Variants in SMARCC1 observed in about 807,000 individuals in gnomAD.
SMARCC1 encodes SWI/SNF related BAF chromatin remodeling complex subunit C1, also known as SWI/SNF complex subunit SMARCC1.
Under a neutral mutation model 147.4 loss-of-function variants are expected in SMARCC1, and 43 were observed. That is an observed-to-expected ratio of 0.29 (90% CI 0.23 to 0.38). The LOEUF (loss-of-function observed/expected upper bound fraction) is 0.38, where lower values mean the gene tolerates loss of function less well. SMARCC1 is among the 10% of genes least tolerant of loss of function. SMARCC1 has a pLI of 1.00. For synonymous variants in SMARCC1, 495 were observed against 484.4 expected, an observed-to-expected ratio of 1.02 and a Z score of -0.29; for missense variants, 1,119 against 1,381.1, an observed-to-expected ratio of 0.81 and a Z score of 3.01.
chr3:47,610,498 G>GATGTC, intron 25 of SMARCC1, 171 bp from the exon 26 acceptor site: 2 of 673,580 alleles, frequency 3.0e-6, no homozygotes, highest in South Asian at 3.6e-5. Context: ...TTCTTGAGTA[G>GATGTC]CATATTTCCA....
intron 2 of SMARCC1, among the ~76,000 whole-genome samples, chr3:47,750,301 G>A (rs2034615066): frequency 6.6e-6 from 1 of 152,084 alleles, no homozygotes; most frequent in Admixed American, 6.6e-5. Context: ...TGGGTGTGGT[G>A]GTGCACGCCT....
intron 5 of SMARCC1, among the ~76,000 whole-genome samples, chr3:47,735,738 C>T (rs781685769): frequency 6.6e-6 from 1 of 151,944 alleles, no homozygotes; most frequent in South Asian, 2.1e-4. Flanking sequence ...TGGGCGACAG[C>T]GCGAGACTCT....
chr3:47,692,594 G>A (rs1255037512), intron 12 of SMARCC1, among the ~76,000 whole-genome samples: 2 of 152,114 alleles, frequency 1.3e-5, no homozygotes, highest in Non-Finnish European at 2.9e-5. Context: ...CTCCAAGAGG[G>A]GGAGATCACT....
chr3:47,741,125 G>T (rs2034504697), intron 3 of SMARCC1, among the ~76,000 whole-genome samples: 1 of 151,920 alleles, frequency 6.6e-6, no homozygotes, highest in Non-Finnish European at 1.5e-5. Flanking sequence ...ATGATAAACT[G>T]GAGGCATATA....
intron 2 of SMARCC1, among the ~76,000 whole-genome samples, chr3:47,772,493 A>G (rs1022863662): frequency 6.6e-6 from 1 of 152,180 alleles, no homozygotes; most frequent in Non-Finnish European, 1.5e-5. Flanking sequence ...AATTCCATAA[A>G]TTCTATTTAT....
chr3:47,626,471 A>AAAAAAAAG (rs1553675917), intron 24 of SMARCC1, among the ~76,000 whole-genome samples: 1 of 150,078 alleles, frequency 6.7e-6, no homozygotes, highest in African/African-American at 2.5e-5. Flanking sequence ...AAAAAAAAAA[A>AAAAAAAAG]AAAGAAAGAA....
chr3:47,669,232 C>T (rs1265391624), intron 19 of SMARCC1, among the ~76,000 whole-genome samples: 1 of 152,124 alleles, frequency 6.6e-6, no homozygotes, highest in African/African-American at 2.4e-5. Flanking sequence ...TCTTGGATGT[C>T]TTTAGTGTCA....
At chr3:47,686,233 C>A in intron 13 of SMARCC1, 63 bp from the exon 14 acceptor site, 1 of 1,294,304 alleles carries the variant, frequency 7.7e-7, no homozygotes, top group Non-Finnish European at 1.1e-6. Flanking sequence ...TATATAACAT[C>A]TCTTACACTT....
Position 47,662,487 on chromosome 3 carries a change from G to A in SMARCC1, c.2005C>T (p.Pro669Ser), listed in dbSNP as rs747148182. Residue 669 changes from proline (P) to serine (S), a missense_variant, in exon 20 of 28, where the codon CCA (proline) becomes TCA (serine). Physicochemically the swap from Pro to Ser is moderately conservative, Grantham distance 74. Coordinates refer to ENST00000254480, the MANE Select transcript of SMARCC1 (RefSeq NM_003074.4). ...LHFLRLPIED[P>S]YLENSDASLG... Reference sequence around the variant, plus strand: ...GAAGCATCTGAATTCTCAAGGTATGGGTCCTCAATGGGAAGTCTCAAAAAG... The same window carrying A: ...GAAGCATCTGAATTCTCAAGGTATGAGTCCTCAATGGGAAGTCTCAAAAAG... 1.9e-6 allele frequency: 3 copies of A among 1,614,044 alleles called. No homozygotes were observed. Among genetic ancestry groups the A allele is most frequent in the Non-Finnish European group, 2.5e-6 (3 of 1,179,982 alleles).
chr3:47,665,956 T>A (rs2033415455), intron 19 of SMARCC1, among the ~76,000 whole-genome samples: 1 of 152,106 alleles, frequency 6.6e-6, no homozygotes, highest in South Asian at 2.1e-4. Context: ...GATCGATTAT[T>A]ATAATTACCT....
Position 47,706,455 on chromosome 3 carries a change from G to T in SMARCC1, c.994C>A (p.Pro332Thr). The T allele has an allele frequency of 6.3e-7, 1 of 1,579,882 alleles. No homozygotes were observed. The highest frequency in any genetic ancestry group is 8.6e-7 in the Non-Finnish European group (1 of 1,166,864). ...ARKRKHSPSP[P>T]PPTPTESRKK... ...CGTGATTCTGTTGGTGTCGGAGGGG[G>T]AGGCGAAGGCGAATGTTTCCTCTTT... is the stretch of plus-strand genomic sequence containing the variant. The change falls in exon 10 of 28, where the codon CCC becomes ACC. Residue 332 changes from proline to threonine, a missense_variant. Physicochemically the swap from Pro to Thr is conservative, Grantham distance 38. Transcript: ENST00000254480.
At chr3:47,723,176 G>C (rs1039471253) in intron 6 of SMARCC1, among the ~76,000 whole-genome samples, 5 of 151,936 alleles carry the variant, frequency 3.3e-5, no homozygotes, top group African/African-American at 9.7e-5. Flanking sequence ...GCCCTCAAAA[G>C]GGCAATCTCT....
intron 21 of SMARCC1, among the ~76,000 whole-genome samples, chr3:47,651,496 G>A (rs1212548404): frequency 1.3e-5 from 2 of 152,250 alleles, no homozygotes; most frequent in East Asian, 3.9e-4. Flanking sequence ...AAGTATGCCA[G>A]GTAGCTCCTG....
At chr3:47,676,560 CTAAA>C in intron 17 of SMARCC1, 65 bp downstream of exon 17, 1 of 1,119,998 alleles carries the variant, frequency 8.9e-7, no homozygotes, top group East Asian at 2.4e-5. Context: ...ATAATTGTTT[CTAAA>C]TAGATATGCT....
At chr3:47,668,726 T>C (rs1489359895) in intron 19 of SMARCC1, among the ~76,000 whole-genome samples, 1 of 152,000 alleles carries the variant, frequency 6.6e-6, no homozygotes, top group East Asian at 1.9e-4. Context: ...CTATTAAAAA[T>C]ACAAAAAAAC....
At chr3:47,759,363 C>G (rs1273663342) in intron 2 of SMARCC1, among the ~76,000 whole-genome samples, 2 of 151,260 alleles carry the variant, frequency 1.3e-5, no homozygotes, top group Non-Finnish European at 2.9e-5. Flanking sequence ...TGGCTCATAC[C>G]TGTAATCCCA....
At chr3:47,599,663 TG>T (rs1448183158) in intron 26 of SMARCC1, among the ~76,000 whole-genome samples, 13 of 152,174 alleles carry the variant, frequency 8.5e-5, no homozygotes, top group Admixed American at 8.5e-4. Flanking sequence ...AATCAAGGTC[TG>T]GGGGAGAGGG....
chr3:47,694,033 T>C (rs1382394032), intron 11 of SMARCC1, among the ~76,000 whole-genome samples: 1 of 152,182 alleles, frequency 6.6e-6, no homozygotes, highest in Admixed American at 6.5e-5. Context: ...TCTATGTAAA[T>C]GTTATCAATA....
intron 26 of SMARCC1, among the ~76,000 whole-genome samples, chr3:47,601,557 G>GCC (rs1451451971): frequency 6.6e-6 from 1 of 152,058 alleles, no homozygotes; most frequent in Non-Finnish European, 1.5e-5. Flanking sequence ...TGAAGACTGG[G>GCC]CCCTCACTGT....
Sources: allele counts gnomAD v4.1 joint callset (sites outside exome capture counted in the v4.1 genomes callset), GRCh38; gene constraint gnomAD v4.1.1; transcripts MANE v1.5; gene names NCBI Gene and HGNC (gene_info 2026-07-23, HGNC 2026-07-21).